The following TRIM2 variants were observed in gnomAD, a reference collection of about 807,000 sequenced individuals.
TRIM2 encodes tripartite motif containing 2, also known as tripartite motif-containing protein 2.
Under a neutral mutation model 75.2 loss-of-function variants are expected in TRIM2, and 20 were observed. The ratio of observed to expected loss-of-function variants is 0.27; its 90% CI spans 0.19 to 0.39. The LOEUF is 0.39. Among genes scored for constraint, TRIM2 ranks in the 10% least tolerant of loss-of-function variants. TRIM2 has a pLI of 1.00. For missense variants in TRIM2, 660 were observed against 990.8 expected (o/e 0.67, Z 4.48); for synonymous variants, 373 against 388.3 (o/e 0.96, Z 0.46).
chr4:153,241,730 C>T (rs767866842), intron 1 of TRIM2, among the ~76,000 whole-genome samples: 3 of 152,146 alleles, frequency 2.0e-5, no homozygotes, highest in Non-Finnish European at 4.4e-5. Context: ...ACAAGGCGGC[C>T]TCCTTTTCTG....
chr4:153,236,664 T>TTTTCTTTTCTTTTCTTTTCTTTTTCC (rs1159803832), intron 1 of TRIM2, among the ~76,000 whole-genome samples: 8 of 146,202 alleles, frequency 5.5e-5, no homozygotes, highest in Admixed American at 4.0e-4. Flanking sequence ...TGTCTTTTTC[T>TTTTCTTTTCTTTTCTTTTCTTTTTCC]TTTCTTTTCT....
At chr4:153,183,159 T>C (rs1732244773) in intron 1 of TRIM2, among the ~76,000 whole-genome samples, 1 of 152,230 alleles carries the variant, frequency 6.6e-6, no homozygotes, top group Non-Finnish European at 1.5e-5. Context: ...CTCCAAGGCC[T>C]CTCATGTCTT....
In TRIM2 at chr4:153,204,846, T is replaced by C. The variant is rs10019436; in HGVS notation, c.30+286T>C. Among the ~76,000 whole-genome samples the C allele has an allele frequency of 0.18, 26,872 of 152,074 alleles. 3,788 individuals are homozygous for C. The highest frequency in any genetic ancestry group is 0.39 in the African/African-American group (16,103 of 41,410). The stretch of plus-strand genomic sequence containing the variant: ...AAGCATAAGGCCAGTTCCAGTGATG[T>C]TGTGAGACTCAAATGCTGTTTTATT... On this transcript the variant is annotated intron_variant, in intron 1 of 11. Transcript: ENST00000338700.
chr4:153,329,703 G>T (rs1263364716), intron 11 of TRIM2, among the ~76,000 whole-genome samples: 3 of 151,950 alleles, frequency 2.0e-5, no homozygotes, highest in African/African-American at 4.8e-5. Flanking sequence ...CAGGTGTGGT[G>T]GCAGGCGCCT....
intron 6 of TRIM2, among the ~76,000 whole-genome samples, chr4:153,299,478 G>A (rs1763425825): frequency 6.6e-6 from 1 of 152,128 alleles, no homozygotes; most frequent in African/African-American, 2.4e-5. Context: ...CAGTGCTGCA[G>A]TGAAACATGA....
chr4:153,299,232 A>G (rs1222079833), intron 6 of TRIM2, among the ~76,000 whole-genome samples: 3 of 152,024 alleles, frequency 2.0e-5, no homozygotes, highest in Non-Finnish European at 4.4e-5. Flanking sequence ...CATATAAGTG[A>G]GATCATGTAT....
At chr4:153,237,015 C>A (rs1018452504) in intron 1 of TRIM2, among the ~76,000 whole-genome samples, 1 of 152,288 alleles carries the variant, frequency 6.6e-6, no homozygotes, top group Admixed American at 6.5e-5. Context: ...TCTTAAACAT[C>A]TTTGTAAACT....
chr4:153,308,709 A>T (rs1344632812), intron 6 of TRIM2: 16 of 558,070 alleles, frequency 2.9e-5, no homozygotes, highest in South Asian at 2.2e-4. Context: ...TTGGGAGTGT[A>T]GAGTGTTCAC....
chr4:153,213,777 C>T (rs893145372), intron 1 of TRIM2, among the ~76,000 whole-genome samples: 6 of 152,270 alleles, frequency 3.9e-5, no homozygotes, highest in Admixed American at 1.3e-4. Context: ...CCACCCGCCT[C>T]GGCCTCCCAA....
At chr4:153,251,534 C>A (rs1750881691) in intron 1 of TRIM2, among the ~76,000 whole-genome samples, 1 of 152,022 alleles carries the variant, frequency 6.6e-6, no homozygotes, top group South Asian at 2.1e-4. Context: ...AAATTTTTTT[C>A]TACTTGACAT....
chr4:153,158,267 A>G (rs1248699121), intron 1 of TRIM2, among the ~76,000 whole-genome samples: 13 of 152,340 alleles, frequency 8.5e-5, no homozygotes, highest in African/African-American at 3.1e-4. Flanking sequence ...CAACTATTCA[A>G]TTCATCCCTG....
chr4:153,332,568 C>T (rs2149598129), intron 11 of TRIM2, among the ~76,000 whole-genome samples: 1 of 151,922 alleles, frequency 6.6e-6, no homozygotes, highest in South Asian at 2.1e-4. Context: ...TCACTTGAAC[C>T]CAGAAAGCGG....
At chr4:153,162,929 G>T (rs6535900) in intron 1 of TRIM2, among the ~76,000 whole-genome samples, 140,186 of 152,250 alleles carry the variant, frequency 0.92, 64,675 homozygotes, top group African/African-American at 0.98. Context: ...TTGGGACATG[G>T]ACCATGCTCT....
At chr4:153,159,355 G>C (rs1729539584) in intron 1 of TRIM2, among the ~76,000 whole-genome samples, 1 of 140,660 alleles carries the variant, frequency 7.1e-6, no homozygotes, top group Admixed American at 7.5e-5. Flanking sequence ...TGAGGCTGGA[G>C]TGCAGTGACA....
chr4:153,185,232 T>C (rs1221243110), intron 1 of TRIM2, among the ~76,000 whole-genome samples: 3 of 152,238 alleles, frequency 2.0e-5, no homozygotes, highest in Non-Finnish European at 4.4e-5. Flanking sequence ...CAGAGTTTAT[T>C]CTTTCTTTCC....
intron 6 of TRIM2, chr4:153,308,137 C>G: frequency 8.9e-7 from 1 of 1,126,520 alleles, no homozygotes; most frequent in Non-Finnish European, 1.4e-6. Flanking sequence ...CACTTGGGAA[C>G]TTCAGTTCCT....
At chr4:153,320,715 C>G (rs1282538357) in intron 8 of TRIM2, among the ~76,000 whole-genome samples, 1 of 152,142 alleles carries the variant, frequency 6.6e-6, no homozygotes, top group Non-Finnish European at 1.5e-5. Context: ...TAACTGCAAC[C>G]TTCATCTCCC....
intron 1 of TRIM2, among the ~76,000 whole-genome samples, chr4:153,211,867 T>C (rs1737121138): frequency 6.6e-6 from 1 of 152,132 alleles, no homozygotes; most frequent in Non-Finnish European, 1.5e-5. Flanking sequence ...CAAACTTTAA[T>C]ACTTGAAAAG....
chr4:153,324,429 G>A (rs192676469), intron 10 of TRIM2: 1 of 222,818 alleles, frequency 4.5e-6, no homozygotes, highest in African/African-American at 2.3e-5. Context: ...TGAACTTAGA[G>A]GCAGAACTTT....
Sources: gnomAD v4.1 joint callset for allele counts (sites outside exome capture counted in the v4.1 genomes callset) on GRCh38, gnomAD v4.1.1 for gene constraint, MANE v1.5 for transcripts, NCBI Gene and HGNC (gene_info 2026-07-23, HGNC 2026-07-21) for gene names.